Variants in MLST8 observed in about 807,000 individuals in gnomAD.
The protein encoded by MLST8 is MTOR associated protein MLST8.
A neutral mutation model predicts 41.3 loss-of-function variants in MLST8; 20 were observed. That is an observed-to-expected ratio of 0.48 (90% CI 0.34 to 0.70). MLST8 has a LOEUF of 0.70. MLST8 is among the 30% of genes least tolerant of loss of function. The pLI is 0.01. For missense variants in MLST8, 422 were observed against 454.3 expected, an observed-to-expected ratio of 0.93 and a Z score of 0.65; for synonymous variants, 243 against 183.0, an observed-to-expected ratio of 1.33 and a Z score of -2.65.
chr16:2,206,460 C>A, intron 3 of MLST8, 37 bp from the exon 4 acceptor site: 13 of 1,612,618 alleles, frequency 8.1e-6, no homozygotes, highest in Non-Finnish European at 1.0e-5. Flanking sequence ...GGGTCGACCT[C>A]AGCACAGCCA....
rs376537102 is a variant in MLST8, at chr16:2,206,072, G to C, written c.-14G>C. The C allele has an allele frequency of 3.8e-6, 6 of 1,585,940 alleles. No individual in the cohort carries two copies. Among genetic ancestry groups the C allele is most frequent in the Non-Finnish European group, 5.2e-6 (6 of 1,162,758 alleles). On this transcript the variant is annotated 5_prime_UTR_variant, in exon 2 of 9. Coordinates refer to ENST00000569417, the MANE Select transcript of MLST8 (RefSeq NM_022372.6). ...CCCCTGCCGTTCAGCTCTAGGGCCC[G>C]TGCAGGCCACACCATGAACACCTCC...
At position 2,205,982 on chromosome 16, in the gene MLST8, T is replaced by C. The variant is rs75473431; in HGVS notation, c.-55-49T>C. The C allele has an allele frequency of 6.6e-4, 974 of 1,486,984 alleles. 10 individuals carry two copies. The African/African-American group carries it at 0.013, about 19-fold the overall frequency. The allele number at this position is 1,486,984 out of a possible 1,614,324, so 92.1% of individuals were successfully genotyped here. A position where few individuals can be genotyped will look rare whatever the true frequency, so the allele number is the denominator to read the frequency against. On this transcript the variant is annotated intron_variant, in intron 1 of 8. Coordinates refer to ENST00000569417, the MANE Select transcript of MLST8 (RefSeq NM_022372.6). ...GGCAGCGCCTTGTGGGTCTATAATC[T>C]ACTTAGCACAGAGAGTGTCTTCTAA... is the stretch of plus-strand genomic sequence containing the variant.
In MLST8 at chr16:2,208,887, C is replaced by T. The variant is rs762060932; in HGVS notation, c.*10C>T. 2.5e-6 allele frequency: 4 copies of T among 1,612,410 alleles called. No individual in the cohort carries two copies. Among genetic ancestry groups the T allele is most frequent in the African/African-American group, 1.3e-5 (1 of 74,918 alleles). On this transcript the variant is annotated 3_prime_UTR_variant, in exon 9 of 9. Coordinates refer to ENST00000569417, the MANE Select transcript of MLST8 (RefSeq NM_022372.6). ...CAGTGTGCTGGGCTAGCCTGTGACC[C>T]CTCGGGACTGCCTGGTGCAGGTGGT...
rs577431444 is a variant in MLST8 at position 2,206,054 on chromosome 16, C to G, written c.-32C>G. The G allele has an allele frequency of 8.4e-6, 13 of 1,550,512 alleles. No homozygotes were observed. In the South Asian group the frequency reaches 9.5e-5, roughly 11 times the overall value. On this transcript the variant is annotated 5_prime_UTR_variant, in exon 2 of 9. Coordinates refer to ENST00000569417, the MANE Select transcript of MLST8 (RefSeq NM_022372.6). ...AGATGCTCTGACCTTTGACCCCTGC[C>G]GTTCAGCTCTAGGGCCCGTGCAGGC...
rs1388290371 is a variant in MLST8, at chr16:2,208,590, G to A, written c.839G>A (p.Gly280Glu). Reference protein sequence around the residue: ...RGWMWGCAFSGDSQYIVTASS... With the variant: ...RGWMWGCAFSEDSQYIVTASS... Reference sequence around the variant, plus strand: ...TGGATGTGGGGCTGCGCCTTCTCGGGGGACTCCCAGTACATCGTCACTGGT... The same window carrying A: ...TGGATGTGGGGCTGCGCCTTCTCGGAGGACTCCCAGTACATCGTCACTGGT... Residue 280 changes from glycine (G) to glutamate (E), a missense_variant, in exon 8 of 9, where the codon GGG (glycine) becomes GAG (glutamate). Physicochemically the swap from Gly to Glu is moderately conservative, Grantham distance 98. Coordinates refer to ENST00000569417, the MANE Select transcript of MLST8 (RefSeq NM_022372.6). 5.0e-6 allele frequency: 8 copies of A among 1,612,296 alleles called. No homozygotes were observed. The highest frequency in any genetic ancestry group is 6.8e-6 in the Non-Finnish European group (8 of 1,179,682).
chr16:2,208,090 C>T, intron 6 of MLST8, 120 bp from the exon 7 acceptor site: 1 of 1,230,788 alleles, frequency 8.1e-7, no homozygotes, highest in Non-Finnish European at 1.1e-6. Context: ...AGGGGCCTGC[C>T]TGCCCCTCAC....
In MLST8 at chr16:2,208,613, G is replaced by C; in HGVS notation, c.862G>C (p.Ala288Pro). The change falls in exon 8 of 9, where the codon GCT becomes CCT. Residue 288 changes from alanine to proline, a missense_variant and splice_region_variant. Physicochemically the swap from Ala to Pro is conservative, Grantham distance 27. Coordinates refer to ENST00000569417, the MANE Select transcript of MLST8 (RefSeq NM_022372.6). ...FSGDSQYIVT[A>P]SSDNLARLWC... Reference sequence around the variant, plus strand: ...GGGGGACTCCCAGTACATCGTCACTGGTGAGCCCCGCCCTGGCCTCCCCCA... The same window carrying C: ...GGGGGACTCCCAGTACATCGTCACTCGTGAGCCCCGCCCTGGCCTCCCCCA... 6.2e-7 allele frequency: 1 copy of C among 1,612,192 alleles called. No individual in the cohort carries two copies.
chr16:2,207,644 T>G lies in MLST8; in HGVS notation c.573+299T>G, dbSNP rs949864592. The G allele has an allele frequency of 4.8e-5, 21 of 439,724 alleles. No homozygotes were observed. In the Admixed American group the frequency reaches 8.0e-4, roughly 17 times the overall value. The allele number at this position is 439,724 out of a possible 1,614,324, so 27.2% of individuals were successfully genotyped here. On this transcript the variant is annotated intron_variant, in intron 6 of 8. Transcript: ENST00000569417. The stretch of plus-strand genomic sequence containing the variant: ...TTGTTTCTGGTGACGGCTGACACAC[T>G]CTCTGAGGCTTCCTTTCCCCCTCCC...
chr16:2,208,869 C>A lies in MLST8; in HGVS notation c.973C>A (p.Leu325Met), dbSNP rs1281313283. The A allele has an allele frequency of 1.2e-6, 2 of 1,613,320 alleles. No individual in the cohort carries two copies. The highest frequency in any genetic ancestry group is 1.7e-6 in the Non-Finnish European group (2 of 1,179,890). ...VVCLAFNDSV[L>M]G ...CTGCCTGGCCTTCAATGACAGTGTG[C>A]TGGGCTAGCCTGTGACCCCTCGGGA... The change falls in exon 9 of 9, where the codon CTG (leucine) becomes ATG (methionine). Residue 325 changes from leucine to methionine, a missense_variant. Leu to Met is a conservative substitution (Grantham distance 15, BLOSUM62 2). Coordinates refer to ENST00000569417, the MANE Select transcript of MLST8 (RefSeq NM_022372.6).
chr16:2,206,313 C>T, intron 2 of MLST8, 45 bp from the exon 3 acceptor site: 7 of 1,611,536 alleles, frequency 4.3e-6, no homozygotes, highest in Non-Finnish European at 5.9e-6. Context: ...CTGGGGGGCC[C>T]TGGCCTCAGG....
chr16:2,207,409 T>C, intron 6 of MLST8, 64 bp downstream of exon 6: 1 of 1,571,188 alleles, frequency 6.4e-7, no homozygotes, highest in Admixed American at 1.7e-5. Flanking sequence ...CCTCTGCAGG[T>C]GGGCTTATTC....
rs2093287563 is a variant in MLST8 at position 2,206,297 on chromosome 16, G to A, written c.130-61G>A. 3 of 1,607,450 alleles carry A rather than the reference G, an allele frequency of 1.9e-6. No individual in the cohort carries two copies. In the East Asian group the frequency reaches 6.7e-5, roughly 36 times the overall value. On this transcript the variant is annotated intron_variant, in intron 2 of 8. Transcript: ENST00000569417. Reference sequence around the variant, plus strand: ...ACAGCCTGTGTGAAGGCCAGATGGTGGAGGCCTGGGGGGCCCTGGCCTCAG... The same window carrying A: ...ACAGCCTGTGTGAAGGCCAGATGGTAGAGGCCTGGGGGGCCCTGGCCTCAG...
At chr16:2,205,662 C>G in intron 1 of MLST8, 150 bp downstream of exon 1, 1 of 987,908 alleles carries the variant, frequency 1.0e-6, no homozygotes, top group Non-Finnish European at 1.2e-6. Flanking sequence ...CCTTTCCCAT[C>G]AGGGCCTGCC....
intron 5 of MLST8, 28 bp from the exon 6 acceptor site, chr16:2,207,165 G>A (rs763761876): frequency 6.2e-6 from 10 of 1,613,164 alleles, no homozygotes; most frequent in Non-Finnish European, 8.5e-6. Flanking sequence ...CTGGGCTTGG[G>A]CCCTGCCTCA....
chr16:2,205,599 G>C, intron 1 of MLST8, 87 bp downstream of exon 1: 1 of 853,274 alleles, frequency 1.2e-6, no homozygotes, highest in Non-Finnish European at 1.4e-6. Flanking sequence ...GCAGGACGGA[G>C]CAAGGGCGGT....
chr16:2,208,484 A>G lies in MLST8; in HGVS notation c.733A>G (p.Lys245Glu). The G allele has an allele frequency of 6.2e-7, 1 of 1,613,222 alleles. No homozygotes were observed. Among genetic ancestry groups the G allele is most frequent in the Non-Finnish European group, 8.5e-7 (1 of 1,179,914 alleles). Reference protein sequence around the residue: ...LATCSADQTCKIWRTSNFSLM... With the variant: ...LATCSADQTCEIWRTSNFSLM... Reference sequence around the variant, plus strand: ...CACCTGCTCGGCTGATCAGACGTGCAAGATCTGGAGGACGTCCAACTTCTC... The same window carrying G: ...CACCTGCTCGGCTGATCAGACGTGCGAGATCTGGAGGACGTCCAACTTCTC... The change falls in exon 8 of 9, where the codon AAG (lysine) becomes GAG (glutamate). Residue 245 changes from lysine to glutamate, a missense_variant. Physicochemically the swap from Lys to Glu is moderately conservative, Grantham distance 56. Transcript: ENST00000569417.
rs2093335310 is a variant in MLST8 at position 2,208,207 on chromosome 16, T to C, written c.574-3T>C. 6.2e-7 allele frequency: 1 copy of C among 1,608,304 alleles called. No individual in the cohort carries two copies. Among genetic ancestry groups the C allele is most frequent in the African/African-American group, 1.3e-5 (1 of 74,928 alleles). ...CCTCCGTGACGGTCCTCCTGACCTCTAGGGAAACTGCTATGTCTGGAATCT... is the reference window on the plus strand; with the variant it reads ...CCTCCGTGACGGTCCTCCTGACCTCCAGGGAAACTGCTATGTCTGGAATCT... On this transcript the variant is annotated splice_polypyrimidine_tract_variant and splice_region_variant and intron_variant, in intron 6 of 8. Transcript: ENST00000569417.
chr16:2,205,976 ATAATC>A, intron 1 of MLST8, 50 bp from the exon 2 acceptor site: 1 of 1,485,404 alleles, frequency 6.7e-7, no homozygotes, highest in African/African-American at 1.4e-5. Flanking sequence ...TTGTGGGTCT[ATAATC>A]TACTTAGCAC....
Position 2,209,432 on chromosome 16 carries a change from T to G in MLST8, c.*555T>G, listed in dbSNP as rs1012103660. 2.0e-5 allele frequency: 33 copies of G among 1,613,614 alleles called. No homozygotes were observed. Among genetic ancestry groups the G allele is most frequent in the Non-Finnish European group, 2.7e-5 (32 of 1,180,002 alleles). On this transcript the variant is annotated 3_prime_UTR_variant, in exon 9 of 9. Coordinates refer to ENST00000569417, the MANE Select transcript of MLST8 (RefSeq NM_022372.6). The stretch of plus-strand genomic sequence containing the variant: ...CGGGAAGCAGATGTCGATGCAGAGA[T>G]AAATCAGCCGCTGTCTCCGGGGCCC...
Sources: gnomAD v4.1 joint callset for allele counts on GRCh38, gnomAD v4.1.1 for gene constraint, MANE v1.5 for transcripts, NCBI Gene and HGNC (gene_info 2026-07-23, HGNC 2026-07-21) for gene names.